SLC14A2: variants seen among roughly 807,000 people sequenced by gnomAD.
The protein encoded by SLC14A2 is urea transporter 2.
In SLC14A2, 91 loss-of-function variants were observed where a neutral mutation model predicts 104.6. The ratio of observed to expected loss-of-function variants is 0.87; its 90% confidence interval spans 0.73 to 1.04. The LOEUF (loss-of-function observed/expected upper bound fraction) is 1.04, where lower values mean the gene tolerates loss of function less well. SLC14A2 is among the 50% of genes least tolerant of loss of function. The pLI, the probability that SLC14A2 is intolerant of heterozygous loss-of-function variation, is 0.00. For synonymous variants in SLC14A2, 476 were observed against 466.4 expected, an observed-to-expected ratio of 1.02 and a Z score of -0.27; for missense variants, 1,189 against 1,156.0, an observed-to-expected ratio of 1.03 and a Z score of -0.41.
At chr18:45,394,247 G>A (rs1221750211) in intron 1 of SLC14A2, among the ~76,000 whole-genome samples, 4 of 152,140 alleles carry the variant, frequency 2.6e-5, no homozygotes, top group African/African-American at 9.7e-5. Flanking sequence ...GCTGTCAGCA[G>A]TCACTTTGAA....
intron 1 of SLC14A2, among the ~76,000 whole-genome samples, chr18:45,618,252 C>T (rs1302620377): frequency 4.6e-5 from 7 of 152,186 alleles, no homozygotes; most frequent in Non-Finnish European, 1.0e-4. Context: ...TTTATGGAAA[C>T]TCTCCTTGCA....
At chr18:45,549,403 G>T (rs538503128) in intron 2 of SLC14A2, among the ~76,000 whole-genome samples, 15 of 152,206 alleles carry the variant, frequency 9.9e-5, no homozygotes, top group South Asian at 2.1e-4. Context: ...TGGAGCAGCT[G>T]CCTTCTCAAA....
intron 1 of SLC14A2, among the ~76,000 whole-genome samples, chr18:45,325,274 C>T (rs981524548): frequency 9.2e-5 from 14 of 152,222 alleles, no homozygotes; most frequent in Admixed American, 9.2e-4. Context: ...TGACCAGAAA[C>T]TTTCAGGATA....
At chr18:45,673,187 G>A (rs1357475002) in intron 17 of SLC14A2, 140 bp downstream of exon 17, 25 of 837,202 alleles carry the variant, frequency 3.0e-5, no homozygotes, top group Middle Eastern at 3.4e-4. Context: ...CTGTTTCTCC[G>A]TTTTTGATCT....
At chr18:45,246,488 T>A (rs967040772) in intron 1 of SLC14A2, among the ~76,000 whole-genome samples, 5 of 152,242 alleles carry the variant, frequency 3.3e-5, no homozygotes, top group South Asian at 2.1e-4. Context: ...CTTACAGTGA[T>A]GTTAAATTTA....
chr18:45,391,422 A>C (rs1292545144), intron 1 of SLC14A2, among the ~76,000 whole-genome samples: 1 of 152,210 alleles, frequency 6.6e-6, no homozygotes, highest in Non-Finnish European at 1.5e-5. Flanking sequence ...ATGATTTATA[A>C]TCCTTTGGGT....
At chr18:45,203,417 G>A in the SLC14A2 span, among the ~76,000 whole-genome samples, 14 of 152,130 alleles carry the variant, frequency 9.2e-5, no homozygotes, top group African/African-American at 3.4e-4. Context: ...CTTTAATGTT[G>A]TTTCTTCTTG....
At chr18:45,536,439 G>C (rs956509150) in intron 2 of SLC14A2, among the ~76,000 whole-genome samples, 6 of 152,202 alleles carry the variant, frequency 3.9e-5, no homozygotes, top group African/African-American at 1.4e-4. Context: ...CCATGCCTCT[G>C]TCTGGCTTCT....
At chr18:45,666,843 T>C (rs903751060) in intron 12 of SLC14A2, 92 bp from the exon 13 acceptor site, 3 of 1,042,014 alleles carry the variant, frequency 2.9e-6, no homozygotes, top group Non-Finnish European at 4.3e-6. Context: ...CAAATGACAA[T>C]CTTATTTGGT....
At chr18:45,670,683 T>C (rs1239623047) in intron 16 of SLC14A2, among the ~76,000 whole-genome samples, 1 of 152,190 alleles carries the variant, frequency 6.6e-6, no homozygotes, top group African/African-American at 2.4e-5. Context: ...GTTTCAGAGA[T>C]AGAGTCTCAT....
At chr18:45,242,238 G>A (rs941708284) in intron 1 of SLC14A2, among the ~76,000 whole-genome samples, 5 of 152,130 alleles carry the variant, frequency 3.3e-5, no homozygotes, top group African/African-American at 1.2e-4. Flanking sequence ...TGTAGACATT[G>A]TAGCTGGGCA....
intron 10 of SLC14A2, among the ~76,000 whole-genome samples, chr18:45,659,599 C>T (rs77444943): frequency 0.018 from 2,808 of 152,206 alleles, 78 homozygotes; most frequent in African/African-American, 0.062. Flanking sequence ...TTTATATCAC[C>T]GTCTATAAAC....
intron 1 of SLC14A2, among the ~76,000 whole-genome samples, chr18:45,475,022 T>C (rs1307388267): frequency 6.6e-6 from 1 of 152,232 alleles, no homozygotes; most frequent in Non-Finnish European, 1.5e-5. Flanking sequence ...TTTAATGCTA[T>C]AAATTTCCCT....
At chr18:45,674,919 T>C (rs2046202047) in intron 18 of SLC14A2, among the ~76,000 whole-genome samples, 1 of 152,166 alleles carries the variant, frequency 6.6e-6, no homozygotes, top group African/African-American at 2.4e-5. Context: ...CCCCAGGTGC[T>C]TCACTCACCT....
intron 1 of SLC14A2, among the ~76,000 whole-genome samples, chr18:45,456,449 C>T (rs2086945089): frequency 6.6e-6 from 1 of 152,250 alleles, no homozygotes; most frequent in Admixed American, 6.5e-5. Context: ...AGGCAGGAGT[C>T]CAGCCTTACA....
chr18:45,577,705 C>T (rs1301703122), intron 2 of SLC14A2, among the ~76,000 whole-genome samples: 2 of 152,098 alleles, frequency 1.3e-5, no homozygotes, highest in Admixed American at 6.5e-5. Context: ...GTTGTGATCC[C>T]ATTGCTGTGA....
At chr18:45,340,352 C>T (rs2085381338) in intron 1 of SLC14A2, among the ~76,000 whole-genome samples, 1 of 152,182 alleles carries the variant, frequency 6.6e-6, no homozygotes, top group Admixed American at 6.5e-5. Context: ...TTATCTCATT[C>T]CTCCTGATCG....
At chr18:45,281,847 A>G (rs2084765836) in intron 1 of SLC14A2, among the ~76,000 whole-genome samples, 1 of 152,166 alleles carries the variant, frequency 6.6e-6, no homozygotes, top group Non-Finnish European at 1.5e-5. Flanking sequence ...GTAAAATAGG[A>G]AGGGGAAACA....
rs2086357399 is a variant in SLC14A2, at chr18:45,422,146, G to A, written c.-124-61087G>A. Among the ~76,000 whole-genome samples, 5 of 152,302 alleles carry A rather than the reference G, an allele frequency of 3.3e-5. No individual in the cohort carries two copies. The South Asian group carries it at 1.0e-3, about 32-fold the overall frequency. ...ATAGGGAGCTATAGCAGGTTTCTGA[G>A]CAGGGGAGTAGCATGACTAATGAGG... On this transcript the variant is annotated intron_variant, in intron 1 of 20. Transcript: ENST00000586448.
Sources: gnomAD v4.1 joint callset for allele counts (sites outside exome capture counted in the v4.1 genomes callset) on GRCh38, gnomAD v4.1.1 for gene constraint, MANE v1.5 for transcripts, NCBI Gene and HGNC (gene_info 2026-07-23, HGNC 2026-07-21) for gene names.